FHIT: variants seen among roughly 807,000 people sequenced by gnomAD.
FHIT encodes bis(5'-adenosyl)-triphosphatase.
A neutral mutation model predicts 17.9 loss-of-function variants in FHIT; 19 were observed. The observed-to-expected ratio is 1.06, with a 90% confidence interval of 0.74 to 1.56. The LOEUF (loss-of-function observed/expected upper bound fraction) is 1.56. Ranked by LOEUF, FHIT falls within the 40% of genes most tolerant of loss-of-function variation. The pLI is 0.00. For synonymous variants in FHIT, 81 were observed against 69.7 expected, an observed-to-expected ratio of 1.16 and a Z score of -0.81; for missense variants, 248 against 189.2, an observed-to-expected ratio of 1.31 and a Z score of -1.82.
At chr3:60,794,534 A>G (rs1700907471) in intron 4 of FHIT, among the ~76,000 whole-genome samples, 1 of 152,220 alleles carries the variant, frequency 6.6e-6, no homozygotes, top group African/African-American at 2.4e-5. Flanking sequence ...AGATAGATAT[A>G]TAGCTATTTA....
intron 4 of FHIT, among the ~76,000 whole-genome samples, chr3:60,667,322 G>A (rs1352588735): frequency 3.3e-5 from 5 of 151,820 alleles, no homozygotes; most frequent in African/African-American, 1.2e-4. Context: ...CTCTGATTGG[G>A]TGGATTCCAT....
At chr3:59,828,606 G>A (rs566047973) in intron 8 of FHIT, among the ~76,000 whole-genome samples, 103 of 152,250 alleles carry the variant, frequency 6.8e-4, no homozygotes, top group African/African-American at 2.4e-3. Flanking sequence ...ACTTCACAAG[G>A]CACTTGCCTA....
chr3:61,004,251 T>A (rs569444933), intron 3 of FHIT, among the ~76,000 whole-genome samples: 3 of 151,934 alleles, frequency 2.0e-5, no homozygotes, highest in Admixed American at 6.6e-5. Flanking sequence ...ATGGCCTGAG[T>A]GTCTTTAGCT....
At chr3:60,637,173 A>C (rs1455497488) in intron 4 of FHIT, among the ~76,000 whole-genome samples, 7 of 152,342 alleles carry the variant, frequency 4.6e-5, no homozygotes, top group African/African-American at 1.7e-4. Context: ...AGCAAAATGC[A>C]TAGGACACTT....
chr3:60,838,466 C>T (rs782749955), intron 3 of FHIT, among the ~76,000 whole-genome samples: 4 of 151,998 alleles, frequency 2.6e-5, no homozygotes, highest in Non-Finnish European at 2.9e-5. Flanking sequence ...AGCAAGACTC[C>T]GTCTCAAAAA....
intron 5 of FHIT, among the ~76,000 whole-genome samples, chr3:60,331,305 T>C (rs1709962195): frequency 6.6e-6 from 1 of 152,094 alleles, no homozygotes; most frequent in South Asian, 2.1e-4. Context: ...TTTCCATGGG[T>C]GGATATAGGT....
intron 5 of FHIT, among the ~76,000 whole-genome samples, chr3:60,366,256 A>G (rs2107029142): frequency 6.6e-6 from 1 of 152,018 alleles, no homozygotes; most frequent in East Asian, 1.9e-4. Flanking sequence ...GCTCAATGCA[A>G]CCTCTGCCTC....
intron 5 of FHIT, among the ~76,000 whole-genome samples, chr3:60,022,884 A>G (rs1271969769): frequency 6.6e-6 from 1 of 152,184 alleles, no homozygotes; most frequent in Non-Finnish European, 1.5e-5. Flanking sequence ...GGGACTTGCA[A>G]TGTCTCTCAG....
intron 4 of FHIT, among the ~76,000 whole-genome samples, chr3:60,568,616 A>G (rs1178220087): frequency 6.6e-6 from 1 of 151,212 alleles, no homozygotes; most frequent in Non-Finnish European, 1.5e-5. Context: ...ATAAAAATTA[A>G]AAAAAAAGAA....
intron 5 of FHIT, among the ~76,000 whole-genome samples, chr3:60,240,481 T>C (rs1576355830): frequency 6.6e-6 from 1 of 152,182 alleles, no homozygotes; most frequent in East Asian, 1.9e-4. Flanking sequence ...ATTATGACCC[T>C]TAATTTCAAT....
intron 8 of FHIT, among the ~76,000 whole-genome samples, chr3:59,774,026 T>C (rs895955507): frequency 5.9e-5 from 9 of 152,346 alleles, no homozygotes; most frequent in Non-Finnish European, 1.3e-4. Flanking sequence ...ATTTTATCTG[T>C]TTTTTTAATA....
Position 59,866,374 on chromosome 3 carries a change from G to A in FHIT, c.348+55972C>T, listed in dbSNP as rs564034597. On this transcript the variant is annotated intron_variant, in intron 8 of 9. Coordinates refer to ENST00000492590, the MANE Select transcript of FHIT (RefSeq NM_002012.4). ...TATTGGGTGAATAAAGAGAGGCATG[G>A]AAAAGATGAGGAAGGCAGATCATTC... Among the ~76,000 whole-genome samples, 3 of 152,242 alleles carry A rather than the reference G, an allele frequency of 2.0e-5. No individual in the cohort carries two copies. In the South Asian group the frequency reaches 6.2e-4, roughly 32 times the overall value.
At chr3:60,792,216 C>A (rs555043010) in intron 4 of FHIT, among the ~76,000 whole-genome samples, 1 of 152,338 alleles carries the variant, frequency 6.6e-6, no homozygotes, top group African/African-American at 2.4e-5. Flanking sequence ...ATAGCCAGCA[C>A]TACACCAAAG....
At chr3:61,081,661 A>G (rs2035141022) in intron 2 of FHIT, among the ~76,000 whole-genome samples, 2 of 152,020 alleles carry the variant, frequency 1.3e-5, no homozygotes, top group Non-Finnish European at 1.5e-5. Flanking sequence ...TCATCATGTG[A>G]CGTTCTCCCC....
At chr3:59,944,219 T>C (rs1165790165) in intron 7 of FHIT, among the ~76,000 whole-genome samples, 1 of 152,186 alleles carries the variant, frequency 6.6e-6, no homozygotes, top group Admixed American at 6.5e-5. Context: ...ATACCTATAG[T>C]ACAATATCAA....
At chr3:59,867,711 C>T (rs544551547) in intron 8 of FHIT, among the ~76,000 whole-genome samples, 2 of 152,148 alleles carry the variant, frequency 1.3e-5, no homozygotes, top group South Asian at 4.2e-4. Flanking sequence ...TTCAAAACTG[C>T]TCTAAAATTC....
rs561294424 is a variant in FHIT at position 60,125,160 on chromosome 3, G to T, written c.104-111008C>A. 2.6e-5 allele frequency among the ~76,000 whole-genome samples: 4 copies of T among 152,304 alleles called. No homozygotes were observed. In the South Asian group the frequency reaches 8.3e-4, roughly 32 times the overall value. On this transcript the variant is annotated intron_variant, in intron 5 of 9. Coordinates refer to ENST00000492590, the MANE Select transcript of FHIT (RefSeq NM_002012.4). ...CACTCCAAGAAGCTGACCTCCAAAG[G>T]TCATGGAGCAAGATGGAGATGAAGA...
rs182041529 is a variant in FHIT, at chr3:60,320,571, G to C, written c.103+216289C>G. Among the ~76,000 whole-genome samples, 51 of 152,270 alleles carry C rather than the reference G, an allele frequency of 3.3e-4. 2 individuals carry two copies. In the East Asian group the frequency reaches 6.9e-3, roughly 21 times the overall value. ...TCCTTGTCCAATCACTGTAATGGGA[G>C]AAAAATGGTATGCTCTGAATGTCAC... On this transcript the variant is annotated intron_variant, in intron 5 of 9. Coordinates refer to ENST00000492590, the MANE Select transcript of FHIT (RefSeq NM_002012.4).
chr3:60,657,042 A>T (rs1259968983), intron 4 of FHIT, among the ~76,000 whole-genome samples: 1 of 152,062 alleles, frequency 6.6e-6, no homozygotes, highest in Non-Finnish European at 1.5e-5. Context: ...TTCAAACTCA[A>T]ACTTAGAGCC....
Sources: gnomAD v4.1 joint callset for allele counts (sites outside exome capture counted in the v4.1 genomes callset) on GRCh38, gnomAD v4.1.1 for gene constraint, MANE v1.5 for transcripts, NCBI Gene and HGNC (gene_info 2026-07-23, HGNC 2026-07-21) for gene names.